The following SLCO1C1 variants were observed in gnomAD, a reference collection of about 807,000 sequenced individuals.
The protein encoded by SLCO1C1 is solute carrier organic anion transporter family member 1C1.
A neutral mutation model predicts 76.4 loss-of-function variants in SLCO1C1; 70 were observed. That is an observed-to-expected ratio of 0.92 (90% confidence interval 0.76 to 1.12). The LOEUF (loss-of-function observed/expected upper bound fraction) is 1.12, where lower values mean the gene tolerates loss of function less well. SLCO1C1 is among the 50% of genes most tolerant of loss of function. The pLI is 0.00. For synonymous variants in SLCO1C1, 306 were observed against 286.1 expected (o/e 1.07, Z -0.70); for missense variants, 912 against 823.8 (o/e 1.11, Z -1.31).
intron 2 of SLCO1C1, 31 bp from the exon 3 acceptor site, chr12:20,701,287 C>A: frequency 6.9e-7 from 1 of 1,439,820 alleles, no homozygotes; most frequent in Non-Finnish European, 9.3e-7. Flanking sequence ...AAGCTGGAGT[C>A]AGACTAAGTG....
At chr12:20,740,158 T>C (rs776654242) in intron 11 of SLCO1C1, 26 bp from the exon 12 acceptor site, 39 of 1,575,840 alleles carry the variant, frequency 2.5e-5, no homozygotes, top group Admixed American at 5.8e-5. Flanking sequence ...ACTGAAATAA[T>C]TGGACTTTTC....
intron 7 of SLCO1C1, among the ~76,000 whole-genome samples, chr12:20,718,577 A>C (rs1565516180): frequency 6.6e-6 from 1 of 152,196 alleles, no homozygotes; most frequent in Non-Finnish European, 1.5e-5. Flanking sequence ...GATTTGAATG[A>C]GTCTCGAATT....
chr12:20,716,464 T>A (rs1182175036), intron 6 of SLCO1C1, among the ~76,000 whole-genome samples: 2 of 152,234 alleles, frequency 1.3e-5, no homozygotes, highest in East Asian at 3.8e-4. Flanking sequence ...TGTTTTAAGC[T>A]TTGTGGTGAA....
At chr12:20,747,690 ATTTG>A (rs1949112764) in intron 13 of SLCO1C1, among the ~76,000 whole-genome samples, 2 of 152,156 alleles carry the variant, frequency 1.3e-5, no homozygotes, top group South Asian at 2.1e-4. Context: ...TAAATCATAT[ATTTG>A]TTTGGTTTTT....
chr12:20,734,063 C>T (rs1948426668), intron 10 of SLCO1C1, among the ~76,000 whole-genome samples: 1 of 152,180 alleles, frequency 6.6e-6, no homozygotes, highest in South Asian at 2.1e-4. Context: ...CAAAAGCAAA[C>T]ACTCCTGACA....
intron 3 of SLCO1C1, 113 bp downstream of exon 3, chr12:20,701,572 C>CTTTT (rs34463708): frequency 2.4e-3 from 1,229 of 514,384 alleles, no homozygotes; most frequent in Middle Eastern, 3.4e-3. Context: ...TTCATAAAAT[C>CTTTT]TTTTTTTTTT....
intron 3 of SLCO1C1, among the ~76,000 whole-genome samples, chr12:20,704,765 A>G (rs1181675295): frequency 6.6e-6 from 1 of 151,814 alleles, no homozygotes; most frequent in Non-Finnish European, 1.5e-5. Context: ...AAAATTGGAA[A>G]TGAGGAGAAC....
In SLCO1C1 at chr12:20,748,580, G is replaced by A. The variant is rs1949153590; in HGVS notation, c.1799-2095G>A. On this transcript the variant is annotated intron_variant, in intron 13 of 14. Transcript: ENST00000266509. ...AAATTTCTTTCATTATAACAATAGT[G>A]TCTTCTATAGTGTTTTATTTTTTCT... 2.6e-5 allele frequency among the ~76,000 whole-genome samples: 4 copies of A among 152,156 alleles called. No homozygotes were observed. The South Asian group carries it at 8.3e-4, about 32-fold the overall frequency.
Position 20,721,210 on chromosome 12 carries a change from T to A in SLCO1C1, c.776-594T>A, listed in dbSNP as rs183588093. Among the ~76,000 whole-genome samples, 106 of 152,298 alleles carry A rather than the reference T, an allele frequency of 7.0e-4. 1 individual carries two copies. The highest frequency in any genetic ancestry group is 2.2e-3 in the African/African-American group (92 of 41,578). On this transcript the variant is annotated intron_variant, in intron 7 of 14. Coordinates refer to ENST00000266509, the MANE Select transcript of SLCO1C1 (RefSeq NM_017435.5). ...ATTGACTCCAATTTTGAAAGAAGTT[T>A]TACTGTGGGTAAAAATGCTGTCAAA...
chr12:20,748,321 T>C (rs1949141604), intron 13 of SLCO1C1, among the ~76,000 whole-genome samples: 1 of 152,202 alleles, frequency 6.6e-6, no homozygotes, highest in Non-Finnish European at 1.5e-5. Flanking sequence ...TTATCAACTG[T>C]GTCCAAAAAC....
At chr12:20,702,179 G>A (rs1946558174) in intron 3 of SLCO1C1, among the ~76,000 whole-genome samples, 1 of 151,884 alleles carries the variant, frequency 6.6e-6, no homozygotes, top group Non-Finnish European at 1.5e-5. Flanking sequence ...GGTCCTTAAG[G>A]CTTGTTTAGA....
intron 8 of SLCO1C1, 53 bp downstream of exon 8, chr12:20,722,102 G>A (rs1015419150): frequency 1.9e-6 from 3 of 1,557,726 alleles, no homozygotes; most frequent in African/African-American, 1.4e-5. Flanking sequence ...TGGGGCTTAA[G>A]GAGATTTATA....
intron 9 of SLCO1C1, among the ~76,000 whole-genome samples, chr12:20,729,708 CA>C (rs1948182618): frequency 6.6e-6 from 1 of 151,212 alleles, no homozygotes. Context: ...ATCTTGGAAC[CA>C]GGAAGAATTC....
chr12:20,716,774 C>T (rs147022778), intron 6 of SLCO1C1, among the ~76,000 whole-genome samples: 3 of 152,218 alleles, frequency 2.0e-5, no homozygotes, highest in African/African-American at 7.2e-5. Context: ...CTTAACTGAA[C>T]GTAAAATGTT....
intron 13 of SLCO1C1, 119 bp downstream of exon 13, chr12:20,743,488 A>T: frequency 3.0e-6 from 2 of 665,840 alleles, no homozygotes; most frequent in Non-Finnish European, 2.5e-6. Flanking sequence ...CAAAGTTCAT[A>T]GTCTTTTTTA....
At position 20,735,159 on chromosome 12, in the gene SLCO1C1, A is replaced by ATGGG. The variant is rs541605094; in HGVS notation, c.1383-1946_1383-1943dup. 4.5e-3 allele frequency among the ~76,000 whole-genome samples: 691 copies of ATGGG among 152,272 alleles called. 3 individuals are homozygous for ATGGG. The highest frequency in any genetic ancestry group is 6.8e-3 in the Non-Finnish European group (462 of 68,008). ...CTTTATAAAATATAAAATGTTTCCC[A>ATGGG]TGGGTTTTTCCATGTTGCTTTATTC... On this transcript the variant is annotated intron_variant, in intron 10 of 14. Coordinates refer to ENST00000266509, the MANE Select transcript of SLCO1C1 (RefSeq NM_017435.5).
chr12:20,740,783 T>A (rs11045424), intron 12 of SLCO1C1, among the ~76,000 whole-genome samples: 2,257 of 53,110 alleles, frequency 0.042, 393 homozygotes, highest in East Asian at 0.063. Flanking sequence ...AGAATTTATT[T>A]TATTTATATA....
intron 10 of SLCO1C1, among the ~76,000 whole-genome samples, chr12:20,733,704 T>C (rs1027024340): frequency 2.6e-5 from 4 of 152,180 alleles, no homozygotes. Context: ...TTCAACCCAG[T>C]GTTCCCCATA....
rs895830531 is a variant in SLCO1C1 at position 20,728,023 on chromosome 12, A to T, written c.1186+4769A>T. On this transcript the variant is annotated intron_variant, in intron 9 of 14. Coordinates refer to ENST00000266509, the MANE Select transcript of SLCO1C1 (RefSeq NM_017435.5). ...TTGCTGCGCAGAAGCTCTTTAGTTT[A>T]ATTAATTTATCAATTTTTGGCTTTG... Among the ~76,000 whole-genome samples the T allele has an allele frequency of 2.6e-5, 4 of 152,206 alleles. No individual in the cohort carries two copies. In the East Asian group the frequency reaches 7.7e-4, roughly 29 times the overall value.
Sources: allele counts gnomAD v4.1 joint callset (sites outside exome capture counted in the v4.1 genomes callset), GRCh38; gene constraint gnomAD v4.1.1; transcripts MANE v1.5; gene names NCBI Gene and HGNC (gene_info 2026-07-23, HGNC 2026-07-21).